Variants in AP3S2 observed in about 807,000 individuals in gnomAD.
The protein encoded by AP3S2 is AP-3 complex subunit sigma-2.
Under a neutral mutation model 23.4 loss-of-function variants are expected in AP3S2, and 22 were observed. The observed-to-expected ratio is 0.94, with a 90% CI of 0.67 to 1.34. The LOEUF is 1.34. Among genes scored for constraint, AP3S2 ranks in the 40% most tolerant of loss-of-function variants. The probability of loss-of-function intolerance (pLI) is 0.00; values close to 1 mark genes in which losing one functional copy is unlikely to be tolerated. For synonymous variants in AP3S2, 86 were observed against 87.1 expected, an observed-to-expected ratio of 0.99 and a Z score of 0.07; for missense variants, 241 against 236.9, an observed-to-expected ratio of 1.02 and a Z score of -0.11.
chr15:89,861,284 G>C (rs945489730), intron 4 of AP3S2, among the ~76,000 whole-genome samples: 1 of 151,924 alleles, frequency 6.6e-6, no homozygotes, highest in Non-Finnish European at 1.5e-5. Flanking sequence ...TCTTGAGAGG[G>C]CCCACTGCAA....
intron 4 of AP3S2, among the ~76,000 whole-genome samples, chr15:89,843,733 A>G (rs375001414): frequency 2.0e-5 from 3 of 152,066 alleles, no homozygotes; most frequent in Admixed American, 1.3e-4. Flanking sequence ...GCCTGAACCC[A>G]GGAGGAGGAG....
rs115041726 is a variant in AP3S2, at chr15:89,840,783, A to G, written c.346-3061T>C. On this transcript the variant is annotated intron_variant, in intron 4 of 5. Coordinates refer to ENST00000336418, the MANE Select transcript of AP3S2 (RefSeq NM_005829.5). ...ACATTTTATATATGAGGAAAAGGCA[A>G]TAAAATGATCCCAATGTCATGTATA... Among the ~76,000 whole-genome samples the G allele has an allele frequency of 3.5e-3, 534 of 152,332 alleles. 3 individuals carry two copies. The highest frequency in any genetic ancestry group is 0.012 in the African/African-American group (504 of 41,572).
chr15:89,891,247 A>G (rs1198022049), intron 1 of AP3S2, among the ~76,000 whole-genome samples: 1 of 152,206 alleles, frequency 6.6e-6, no homozygotes, highest in African/African-American at 2.4e-5. Context: ...TTTTCAAGGT[A>G]CTTTCATCCA....
At chr15:89,859,386 C>CTTCCTTTT (rs1895953586) in intron 4 of AP3S2, among the ~76,000 whole-genome samples, 1 of 59,734 alleles carries the variant, frequency 1.7e-5, no homozygotes, top group Non-Finnish European at 3.3e-5. Flanking sequence ...TCCTTCCTTC[C>CTTCCTTTT]TTTTCTTTCT....
At chr15:89,859,104 C>T (rs1240719979) in intron 4 of AP3S2, among the ~76,000 whole-genome samples, 2 of 151,700 alleles carry the variant, frequency 1.3e-5, no homozygotes, top group East Asian at 3.9e-4. Flanking sequence ...GTGATCCTCT[C>T]GCCTCAGCCT....
chr15:89,855,660 C>T (rs1244770490), intron 4 of AP3S2, among the ~76,000 whole-genome samples: 44 of 136,548 alleles, frequency 3.2e-4, no homozygotes, highest in Non-Finnish European at 5.7e-4. Context: ...ACCAGCCTGA[C>T]CAACACGGAG....
chr15:89,848,699 G>A (rs1275950598), intron 4 of AP3S2: 1 of 152,178 alleles, frequency 6.6e-6, no homozygotes, highest in East Asian at 1.9e-4. Context: ...AAATAAGTAG[G>A]GAAGAGATTG....
chr15:89,843,006 CAG>C (rs1363643370), intron 4 of AP3S2, among the ~76,000 whole-genome samples: 1 of 149,312 alleles, frequency 6.7e-6, no homozygotes, highest in African/African-American at 2.5e-5. Context: ...TTTTTTGAGA[CAG>C]AGTTTCACTC....
At chr15:89,860,887 G>A (rs913980621) in intron 4 of AP3S2, among the ~76,000 whole-genome samples, 2 of 152,110 alleles carry the variant, frequency 1.3e-5, no homozygotes, top group Non-Finnish European at 2.9e-5. Context: ...ATGTTAACTC[G>A]CACCTTTTAC....
chr15:89,833,075 A>G lies in AP3S2; in HGVS notation c.*2440T>C, dbSNP rs1357139072. 6.6e-6 allele frequency: 1 copy of G among 152,242 alleles called. No homozygotes were observed. The highest frequency in any genetic ancestry group is 6.5e-5 in the Admixed American group (1 of 15,294). 9.4% of individuals were successfully genotyped at this position (152,242 alleles called of 1,614,324 possible). Reference sequence around the variant, plus strand: ...TTCAAAATCTAGGCTATCCCAGGAAATCTAGCATAAGGGCTGTCCTGCAGT... The same window carrying G: ...TTCAAAATCTAGGCTATCCCAGGAAGTCTAGCATAAGGGCTGTCCTGCAGT... On this transcript the variant is annotated 3_prime_UTR_variant, in exon 6 of 6. Transcript: ENST00000336418.
chr15:89,847,425 A>G (rs926795960), intron 4 of AP3S2, among the ~76,000 whole-genome samples: 1 of 149,026 alleles, frequency 6.7e-6, no homozygotes, highest in African/African-American at 2.5e-5. Flanking sequence ...TGAGTCTGCT[A>G]GTTTCATATC....
At chr15:89,886,576 C>T (rs1896707070) in intron 3 of AP3S2, 1 of 152,130 alleles carries the variant, frequency 6.6e-6, no homozygotes, top group African/African-American at 2.4e-5. Flanking sequence ...AGAATATATG[C>T]TGCTGAGGCA....
intron 4 of AP3S2, among the ~76,000 whole-genome samples, chr15:89,847,952 T>C (rs1895537107): frequency 6.6e-6 from 1 of 152,174 alleles, no homozygotes; most frequent in South Asian, 2.1e-4. Context: ...TAAAATGCAG[T>C]TCTGTATTGG....
chr15:89,853,432 A>C (rs1272693284), intron 4 of AP3S2, among the ~76,000 whole-genome samples: 1 of 152,268 alleles, frequency 6.6e-6, no homozygotes, highest in Non-Finnish European at 1.5e-5. Flanking sequence ...CAAAAGAAAA[A>C]TGACATACCA....
intron 3 of AP3S2, among the ~76,000 whole-genome samples, chr15:89,887,399 T>TCTCG (rs1194347121): frequency 6.6e-6 from 1 of 152,040 alleles, no homozygotes; most frequent in African/African-American, 2.4e-5. Context: ...TGAGACGGAG[T>TCTCG]CTCGCCCTGT....
Position 89,868,995 on chromosome 15 carries a change from G to A in AP3S2, c.345+2480C>T, listed in dbSNP as rs1460729549. 8.4e-4 allele frequency among the ~76,000 whole-genome samples: 125 copies of A among 149,072 alleles called. 1 individual carries two copies. Among genetic ancestry groups the A allele is most frequent in the African/African-American group, 3.1e-3 (121 of 39,644 alleles). ...CCAGCCGCCCCGTCCGGGAGGTGAGGGGCGCCTCTGCCTGGCCGCCCCTAC... is the reference window on the plus strand; with the variant it reads ...CCAGCCGCCCCGTCCGGGAGGTGAGAGGCGCCTCTGCCTGGCCGCCCCTAC... On this transcript the variant is annotated intron_variant, in intron 4 of 5. Transcript: ENST00000336418.
chr15:89,858,485 A>C (rs868850762), intron 4 of AP3S2, among the ~76,000 whole-genome samples: 1 of 38,902 alleles, frequency 2.6e-5, no homozygotes, highest in Admixed American at 3.5e-4. Context: ...GAAAGAAAGA[A>C]AGAAAGAAAG....
rs79170254 is a variant in AP3S2 at position 89,841,209 on chromosome 15, T to G, written c.346-3487A>C. Among the ~76,000 whole-genome samples the G allele has an allele frequency of 8.5e-4, 129 of 152,336 alleles. 1 individual carries two copies. Among genetic ancestry groups the G allele is most frequent in the Middle Eastern group, 6.8e-3 (2 of 294 alleles). Reference sequence around the variant, plus strand: ...TCAGTTAAAACTTCTTATTTAACACTGCATCATAAAGTCAGCATTTTCAAA... The same window carrying G: ...TCAGTTAAAACTTCTTATTTAACACGGCATCATAAAGTCAGCATTTTCAAA... On this transcript the variant is annotated intron_variant, in intron 4 of 5. Transcript: ENST00000336418.
intron 5 of AP3S2, among the ~76,000 whole-genome samples, chr15:89,836,837 C>T (rs1442993220): frequency 6.6e-6 from 1 of 152,214 alleles, no homozygotes; most frequent in Non-Finnish European, 1.5e-5. Context: ...GGAAAAGCTT[C>T]TTCCACAGGA....
Sources: allele counts gnomAD v4.1 joint callset (sites outside exome capture counted in the v4.1 genomes callset), GRCh38; gene constraint gnomAD v4.1.1; transcripts MANE v1.5; gene names NCBI Gene and HGNC (gene_info 2026-07-23, HGNC 2026-07-21).